KLHL41: variants seen among roughly 807,000 people sequenced by gnomAD.
KLHL41 encodes kelch like family member 41, also known as kelch-like protein 41.
In KLHL41, 31 loss-of-function variants were observed where a neutral mutation model predicts 49.2. The observed-to-expected ratio is 0.63, with a 90% CI of 0.47 to 0.85. KLHL41 has a LOEUF of 0.85. KLHL41 is among the 40% of genes least tolerant of loss of function. The pLI is 0.00. For missense variants in KLHL41, 663 were observed against 726.7 expected (o/e 0.91, Z 1.01); for synonymous variants, 218 against 258.5 (o/e 0.84, Z 1.50).
chr2:169,515,461 A>G (rs1684102469), intron 3 of KLHL41, among the ~76,000 whole-genome samples: 1 of 152,170 alleles, frequency 6.6e-6, no homozygotes, highest in South Asian at 2.1e-4. Context: ...TACTGCTAGG[A>G]ATGAGCCTAA....
chr2:169,521,152 T>TTC, intron 5 of KLHL41, 145 bp downstream of exon 5: 1 of 671,094 alleles, frequency 1.5e-6, no homozygotes, highest in Non-Finnish European at 2.5e-6. Flanking sequence ...CTAATTGAAC[T>TTC]TCTGTACATG....
chr2:169,512,042 G>A lies in KLHL41; in HGVS notation c.1110+1154G>A, dbSNP rs184014829. Among the ~76,000 whole-genome samples the A allele has an allele frequency of 4.2e-3, 642 of 152,232 alleles. 8 individuals carry two copies. The highest frequency in any genetic ancestry group is 0.015 in the African/African-American group (615 of 41,558). On this transcript the variant is annotated intron_variant, in intron 1 of 5. Coordinates refer to ENST00000284669, the MANE Select transcript of KLHL41 (RefSeq NM_006063.3). The stretch of plus-strand genomic sequence containing the variant: ...GCTTATGGGCACTTTAGTTGGAAAG[G>A]CCAAAGATAAGCAAGTATACAATGT...
In KLHL41 at chr2:169,510,775, A is replaced by G. The variant is rs749788487; in HGVS notation, c.997A>G (p.Ile333Val). Residue 333 changes from isoleucine to valine, a missense_variant, in exon 1 of 6, where the codon ATT becomes GTT. Ile to Val is a conservative substitution (Grantham distance 29). Coordinates refer to ENST00000284669, the MANE Select transcript of KLHL41 (RefSeq NM_006063.3). The surrounding 1 kb of genome is among the most constrained non-coding windows in gnomAD (Gnocchi z 4.2). ...ECYLTALAEQ[I>V]PRNHSSIVTQ... ...CTACCTTACTGCACTGGCTGAGCAG[A>G]TTCCCAGAAATCATTCCAGCATTGT... 2 of 1,614,180 alleles carry G rather than the reference A, an allele frequency of 1.2e-6. No individual in the cohort carries two copies. Among genetic ancestry groups the G allele is most frequent in the Non-Finnish European group, 8.5e-7 (1 of 1,180,042 alleles).
In KLHL41 at chr2:169,520,997, G is replaced by C. The variant is rs375214560; in HGVS notation, c.1699G>C (p.Asp567His). 1.2e-6 allele frequency: 2 copies of C among 1,612,914 alleles called. No homozygotes were observed. The highest frequency in any genetic ancestry group is 1.7e-6 in the Non-Finnish European group (2 of 1,179,662). Reference sequence around the variant, plus strand: ...AGAATTTGCACCCACTGAAGTCAATGACATATGGAAGTAAGTTCTCATCAC... The same window carrying C: ...AGAATTTGCACCCACTGAAGTCAATCACATATGGAAGTAAGTTCTCATCAC... ...SKEFAPTEVNDIWKYEDDKKE... is the reference protein window; with the variant it reads ...SKEFAPTEVNHIWKYEDDKKE... The change falls in exon 5 of 6, where the codon GAC (aspartate) becomes CAC (histidine). Residue 567 changes from aspartate to histidine, a missense_variant. Around this residue, in one of 3 missense-constraint regions of KLHL41, gnomAD observed 528 missense variants for 581.0 expected, o/e 0.91. Transcript: ENST00000284669.
At chr2:169,520,421 G>A (rs1046691397) in intron 4 of KLHL41, among the ~76,000 whole-genome samples, 11 of 147,612 alleles carry the variant, frequency 7.5e-5, no homozygotes, top group East Asian at 2.0e-4. Flanking sequence ...CTGGGATTAC[G>A]GGCATGAGCC....
intron 1 of KLHL41, 134 bp from the exon 2 acceptor site, chr2:169,514,440 T>G (rs966358009): frequency 3.2e-6 from 2 of 615,660 alleles, no homozygotes; most frequent in African/African-American, 3.7e-5. Flanking sequence ...ACTTTGGGGT[T>G]GTAGTTTTAT....
In KLHL41 at chr2:169,518,384, C is replaced by A; in HGVS notation, c.1562+9C>A. The A allele has an allele frequency of 6.3e-7, 1 of 1,596,062 alleles. No homozygotes were observed. The highest frequency in any genetic ancestry group is 1.1e-5 in the South Asian group (1 of 89,650). On this transcript the variant is annotated intron_variant, in intron 4 of 5. Transcript: ENST00000284669. ...GACCTTACAACAAATAAGTGAGTTGCCACATCTTAGTATATAGCATGTGAA... is the reference window on the plus strand; with the variant it reads ...GACCTTACAACAAATAAGTGAGTTGACACATCTTAGTATATAGCATGTGAA...
chr2:169,523,538 G>A (rs1684234460), intron 5 of KLHL41, among the ~76,000 whole-genome samples: 1 of 152,126 alleles, frequency 6.6e-6, no homozygotes, highest in Admixed American at 6.6e-5. Flanking sequence ...AGGATCTGGA[G>A]CATGATTCTC....
intron 5 of KLHL41, among the ~76,000 whole-genome samples, chr2:169,525,261 G>C (rs1684283761): frequency 6.6e-6 from 1 of 152,184 alleles, no homozygotes; most frequent in Non-Finnish European, 1.5e-5. Flanking sequence ...CTTTGACTCA[G>C]AGACCAGCCA....
At position 169,509,897 on chromosome 2, in the gene KLHL41, G is replaced by A. The variant is rs370341340; in HGVS notation, c.119G>A (p.Gly40Asp). Residue 40 changes from glycine to aspartate, a missense_variant, in exon 1 of 6, where the codon GGT becomes GAT. Physicochemically the swap from Gly to Asp is moderately conservative, Grantham distance 94. This residue lies in a region of KLHL41 where 129 missense variants were observed against 122.1 expected (regional missense o/e 1.06). Coordinates refer to ENST00000284669, the MANE Select transcript of KLHL41 (RefSeq NM_006063.3). ...TTCATCGATTGCACCCTAAAAGCAG[G>A]TGACAAAAGTCTTCCTTGCCACAGA... is the stretch of plus-strand genomic sequence containing the variant. ...KKFIDCTLKA[G>D]DKSLPCHRLI... The A allele has an allele frequency of 1.9e-6, 3 of 1,614,020 alleles. No individual in the cohort carries two copies. In the African/African-American group the frequency reaches 4.0e-5, roughly 22 times the overall value.
At position 169,510,041 on chromosome 2, in the gene KLHL41, T is replaced by C; in HGVS notation, c.263T>C (p.Ile88Thr). Reference sequence around the variant, plus strand: ...GATCCTGCTATACTTGATTTAATCATCAAATACCTGTACTCTGCCAGTATT... The same window carrying C: ...GATCCTGCTATACTTGATTTAATCACCAAATACCTGTACTCTGCCAGTATT... ...NVDPAILDLI[I>T]KYLYSASIDL... The change falls in exon 1 of 6, where the codon ATC (isoleucine) becomes ACC (threonine). Residue 88 changes from isoleucine (I) to threonine (T), a missense_variant. Around this residue, in one of 3 missense-constraint regions of KLHL41, gnomAD observed 129 missense variants for 122.1 expected, o/e 1.06. Transcript: ENST00000284669. This position sits in a 1 kb window ranked among gnomAD's most constrained non-coding sequence, Gnocchi z 4.2. 1 of 1,614,198 alleles carries C rather than the reference T, an allele frequency of 6.2e-7. No homozygotes were observed. The highest frequency in any genetic ancestry group is 1.1e-5 in the South Asian group (1 of 91,072).
intron 1 of KLHL41, among the ~76,000 whole-genome samples, chr2:169,512,901 T>A (rs1370706409): frequency 6.6e-6 from 1 of 152,144 alleles, no homozygotes; most frequent in Non-Finnish European, 1.5e-5. Context: ...AAGGGAGGAT[T>A]TTTTCCCCCA....
At position 169,514,980 on chromosome 2, in the gene KLHL41, C is replaced by T. The variant is rs772010806; in HGVS notation, c.1376+19C>T. 1 of 1,401,454 alleles carries T rather than the reference C, an allele frequency of 7.1e-7. No homozygotes were observed. Among genetic ancestry groups the T allele is most frequent in the Non-Finnish European group, 9.9e-7 (1 of 1,013,270 alleles). The allele number at this position is 1,401,454 out of a possible 1,614,324, so 86.8% of individuals were successfully genotyped here. The stretch of plus-strand genomic sequence containing the variant: ...ATGACAAGTAAGTACCCTGAACTCT[C>T]ATGATTTATGTCTAAATGACTTTTT... On this transcript the variant is annotated intron_variant, in intron 3 of 5. Transcript: ENST00000284669.
intron 4 of KLHL41, among the ~76,000 whole-genome samples, chr2:169,519,766 G>A (rs1238784372): frequency 2.0e-5 from 3 of 147,350 alleles, no homozygotes; most frequent in South Asian, 2.1e-4. Flanking sequence ...CTAATTTTTT[G>A]TATTTTTAGT....
intron 2 of KLHL41, 47 bp from the exon 3 acceptor site, chr2:169,514,807 C>A: frequency 6.3e-7 from 1 of 1,592,926 alleles, no homozygotes; most frequent in Non-Finnish European, 8.6e-7. Context: ...ATTTTCAGAA[C>A]CTGGAATTTA....
chr2:169,515,116 C>T lies in KLHL41; in HGVS notation c.1376+155C>T, dbSNP rs577751652. ...TGGTGTGATCTCGGCTCACTGCAAC[C>T]GCCGCCTCCTGGGTTCAAGCGATTC... is the stretch of plus-strand genomic sequence containing the variant. On this transcript the variant is annotated intron_variant, in intron 3 of 5. Transcript: ENST00000284669. Among the ~76,000 whole-genome samples, 19 of 150,634 alleles carry T rather than the reference C, an allele frequency of 1.3e-4. No homozygotes were observed. In the South Asian group the frequency reaches 2.1e-3, roughly 17 times the overall value.
Position 169,510,561 on chromosome 2 carries a change from C to T in KLHL41, c.783C>T (p.Gly261=), listed in dbSNP as rs141574405. The part of the protein sequence containing the change: ...KIKVLKDAFA[G]KLPEPSKNAA... ...AAGTTCTAAAAGATGCTTTCGCAGG[C>T]AAACTCCCAGAACCTAGCAAAAATG... The change falls in exon 1 of 6, where the codon GGC becomes GGT. Residue 261 remains glycine (G), a synonymous_variant. Coordinates refer to ENST00000284669, the MANE Select transcript of KLHL41 (RefSeq NM_006063.3). The surrounding 1 kb of genome is among the most constrained non-coding windows in gnomAD (Gnocchi z 4.2). 3.5e-4 allele frequency: 563 copies of T among 1,614,082 alleles called. No individual in the cohort carries two copies. The highest frequency in any genetic ancestry group is 2.3e-3 in the Middle Eastern group (14 of 6,062).
At chr2:169,517,444 C>T (rs746516864) in intron 3 of KLHL41, among the ~76,000 whole-genome samples, 1 of 152,170 alleles carries the variant, frequency 6.6e-6, no homozygotes, top group African/African-American at 2.4e-5. Context: ...CTCTACCAAG[C>T]ATACAAAAAA....
chr2:169,514,778 G>C, intron 2 of KLHL41, 47 bp downstream of exon 2: 1 of 1,596,182 alleles, frequency 6.3e-7, no homozygotes, highest in Non-Finnish European at 8.6e-7. Flanking sequence ...AAGTATATGC[G>C]TGCCTACAAC....
Sources: allele counts gnomAD v4.1 joint callset (sites outside exome capture counted in the v4.1 genomes callset), GRCh38; gene constraint gnomAD v4.1.1; regional missense constraint gnomAD v4.1.1; non-coding constraint Gnocchi (gnomAD v3.1); transcripts MANE v1.5; gene names NCBI Gene and HGNC (gene_info 2026-07-23, HGNC 2026-07-21).